Variants in BRINP3 observed in about 807,000 individuals in gnomAD.
BRINP3 encodes the protein BMP/retinoic acid inducible neural specific 3.
BRINP3 carries 19 observed loss-of-function variants against 71.0 expected under a neutral mutation model. The ratio of observed to expected loss-of-function variants is 0.27; its 90% CI spans 0.19 to 0.39. BRINP3 has a LOEUF of 0.39. Ranked by LOEUF, BRINP3 falls within the 10% of genes least tolerant of loss-of-function variation. The probability of loss-of-function intolerance (pLI) is 1.00; values close to 1 mark genes in which losing one functional copy is unlikely to be tolerated. For missense variants in BRINP3, 959 were observed against 940.8 expected (o/e 1.02, Z -0.25); for synonymous variants, 380 against 337.7 (o/e 1.13, Z -1.37).
chr1:190,385,903 A>C (rs1272432882), intron 2 of BRINP3, among the ~76,000 whole-genome samples: 1 of 147,402 alleles, frequency 6.8e-6, no homozygotes, highest in African/African-American at 2.5e-5. Flanking sequence ...ATGCAGCCAT[A>C]AAAAATGATG....
At chr1:190,271,580 G>T (rs1196910417) in intron 3 of BRINP3, among the ~76,000 whole-genome samples, 1 of 151,498 alleles carries the variant, frequency 6.6e-6, no homozygotes, top group East Asian at 1.9e-4. Context: ...TTTGTGATGA[G>T]AAGTTGGCCT....
At chr1:190,251,136 G>A (rs1660103533) in intron 4 of BRINP3, among the ~76,000 whole-genome samples, 1 of 151,646 alleles carries the variant, frequency 6.6e-6, no homozygotes, top group Non-Finnish European at 1.5e-5. Flanking sequence ...TTAGCAATTG[G>A]TTTCTTTTGG....
intron 2 of BRINP3, among the ~76,000 whole-genome samples, chr1:190,429,998 A>T (rs1673988889): frequency 6.6e-6 from 1 of 152,214 alleles, no homozygotes; most frequent in South Asian, 2.1e-4. Context: ...TAATCTTGTT[A>T]CATGAGATTC....
chr1:190,109,437 A>G (rs957094665), intron 7 of BRINP3, among the ~76,000 whole-genome samples: 2 of 152,184 alleles, frequency 1.3e-5, no homozygotes, highest in African/African-American at 4.8e-5. Flanking sequence ...CAGAGCCATC[A>G]ACCTATTGAC....
intron 7 of BRINP3, among the ~76,000 whole-genome samples, chr1:190,146,181 C>T (rs915481979): frequency 6.6e-6 from 1 of 152,102 alleles, no homozygotes; most frequent in African/African-American, 2.4e-5. Context: ...CAGAAACCAC[C>T]TGTACCCCAA....
intron 3 of BRINP3, among the ~76,000 whole-genome samples, chr1:190,270,262 CT>C (rs1470461685): frequency 6.6e-6 from 1 of 151,590 alleles, no homozygotes; most frequent in African/African-American, 2.4e-5. Flanking sequence ...TAAAGAAACA[CT>C]TTTGGAAGAA....
intron 2 of BRINP3, among the ~76,000 whole-genome samples, chr1:190,420,840 A>G (rs1474237404): frequency 6.6e-6 from 1 of 151,840 alleles, no homozygotes; most frequent in East Asian, 1.9e-4. Flanking sequence ...CATAAAGGAG[A>G]ATGTTAGAAA....
intron 2 of BRINP3, among the ~76,000 whole-genome samples, chr1:190,422,893 A>G (rs1673474437): frequency 6.6e-6 from 1 of 151,854 alleles, no homozygotes; most frequent in African/African-American, 2.4e-5. Context: ...CTTCTACAGA[A>G]GTTAAAATGC....
At chr1:190,199,715 TA>T (rs1188429245) in intron 6 of BRINP3, among the ~76,000 whole-genome samples, 1 of 142,992 alleles carries the variant, frequency 7.0e-6, no homozygotes, top group African/African-American at 2.6e-5. Flanking sequence ...AAAGTTACAA[TA>T]ATTAAAGTGA....
chr1:190,350,997 GT>G (rs2102046816), intron 2 of BRINP3, among the ~76,000 whole-genome samples: 1 of 151,974 alleles, frequency 6.6e-6, no homozygotes, highest in Non-Finnish European at 1.5e-5. Flanking sequence ...TAATTTTGGG[GT>G]TTTTCCATGT....
chr1:190,300,834 G>C (rs1171109790), intron 2 of BRINP3, among the ~76,000 whole-genome samples: 4 of 152,036 alleles, frequency 2.6e-5, no homozygotes, highest in Non-Finnish European at 5.9e-5. Context: ...GGAAAAAACA[G>C]AGCAGAAAAA....
intron 2 of BRINP3, among the ~76,000 whole-genome samples, chr1:190,298,182 T>G (rs1316744092): frequency 6.6e-6 from 1 of 152,278 alleles, no homozygotes; most frequent in South Asian, 2.1e-4. Flanking sequence ...AGTTGTGTAG[T>G]GCTAACCACT....
intron 4 of BRINP3, among the ~76,000 whole-genome samples, chr1:190,259,652 AAATAAATAAAT>A (rs1660996742): frequency 7.6e-6 from 1 of 131,188 alleles, no homozygotes; most frequent in African/African-American, 3.1e-5. Flanking sequence ...ATAAATAAAT[AAATAAATAAAT>A]AAAATAAAGT....
At chr1:190,331,202 G>T (rs1463441745) in intron 2 of BRINP3, among the ~76,000 whole-genome samples, 1 of 151,834 alleles carries the variant, frequency 6.6e-6, no homozygotes, top group Non-Finnish European at 1.5e-5. Flanking sequence ...TCATTCTATA[G>T]CCTATTAAGT....
chr1:190,340,289 A>G (rs780752113), intron 2 of BRINP3, among the ~76,000 whole-genome samples: 8 of 151,908 alleles, frequency 5.3e-5, no homozygotes, highest in Non-Finnish European at 1.0e-4. Context: ...TCCCCAAAAG[A>G]CATTTGCCAA....
At position 190,255,252 on chromosome 1, in the gene BRINP3, G is replaced by A. The variant is rs1054510374; in HGVS notation, c.618+9613C>T. Among the ~76,000 whole-genome samples, 15 of 89,154 alleles carry A rather than the reference G, an allele frequency of 1.7e-4. No homozygotes were observed. The East Asian group carries it at 3.8e-3, about 22-fold the overall frequency. The allele number at this position is 89,154 out of a possible 152,430, so 58.5% of individuals were successfully genotyped here. ...AAATTCTCTCTTTTTTTTTTTTTTT[G>A]TTGTGTCTCTGTCAGGCTTTGGTAT... On this transcript the variant is annotated intron_variant, in intron 4 of 7. Coordinates refer to ENST00000367462, the MANE Select transcript of BRINP3 (RefSeq NM_199051.3).
chr1:190,181,752 A>G (rs1653048153), intron 6 of BRINP3, among the ~76,000 whole-genome samples: 2 of 152,024 alleles, frequency 1.3e-5, no homozygotes, highest in South Asian at 4.1e-4. Context: ...AGACCATATT[A>G]TAATGTTTTC....
Position 190,099,075 on chromosome 1 carries a change from A to G in BRINP3, c.1244T>C (p.Leu415Pro), listed in dbSNP as rs775267735. ...QSFLYCNENG[L>P]LGSFSEETHS... Reference sequence around the variant, plus strand: ...CGTCTCTTCTGAAAAGCTGCCTAGGAGGCCGTTCTCATTGCAGTAGAGAAA... The same window carrying G: ...CGTCTCTTCTGAAAAGCTGCCTAGGGGGCCGTTCTCATTGCAGTAGAGAAA... The change falls in exon 8 of 8, where the codon CTC becomes CCC. Residue 415 changes from leucine to proline, a missense_variant. By Grantham distance (98) the Leu-to-Pro change is moderately conservative (BLOSUM62 -3). Coordinates refer to ENST00000367462, the MANE Select transcript of BRINP3 (RefSeq NM_199051.3). The G allele has an allele frequency of 6.2e-7, 1 of 1,614,152 alleles. No homozygotes were observed. Among genetic ancestry groups the G allele is most frequent in the South Asian group, 1.1e-5 (1 of 91,086 alleles).
chr1:190,394,023 A>T (rs1171374), intron 2 of BRINP3, among the ~76,000 whole-genome samples: 58,163 of 151,314 alleles, frequency 0.38, 11,751 homozygotes, highest in Admixed American at 0.5. Context: ...TTTTATACTC[A>T]ACTTTAATCC....
Sources: gnomAD v4.1 joint callset for allele counts (sites outside exome capture counted in the v4.1 genomes callset) on GRCh38, gnomAD v4.1.1 for gene constraint, MANE v1.5 for transcripts, NCBI Gene and HGNC (gene_info 2026-07-23, HGNC 2026-07-21) for gene names.